PIK3CB: variants seen among roughly 807,000 people sequenced by gnomAD.
PIK3CB encodes the protein phosphatidylinositol 4,5-bisphosphate 3-kinase catalytic subunit beta isoform.
A neutral mutation model predicts 136.8 loss-of-function variants in PIK3CB; 39 were observed. That is an observed-to-expected ratio of 0.29 (90% CI 0.22 to 0.37). The LOEUF (loss-of-function observed/expected upper bound fraction) is 0.37. Ranked by LOEUF, PIK3CB falls within the 10% of genes least tolerant of loss-of-function variation. The pLI is 1.00. For missense variants in PIK3CB, 868 were observed against 1,275.4 expected (o/e 0.68, Z 4.87); for synonymous variants, 428 against 436.6 (o/e 0.98, Z 0.25).
At chr3:138,817,771 T>C (rs1163795978) in intron 1 of PIK3CB, among the ~76,000 whole-genome samples, 1 of 152,078 alleles carries the variant, frequency 6.6e-6, no homozygotes, top group Admixed American at 6.6e-5. Context: ...AGGTATACGA[T>C]CTAGAAGGGG....
rs755586491 is a variant in PIK3CB, at chr3:138,684,675, G to C, written c.2265C>G (p.Leu755=). The change falls in exon 17 of 24, where the codon CTC becomes CTG. Residue 755 remains leucine (L), a synonymous_variant. Coordinates refer to ENST00000674063, the MANE Select transcript of PIK3CB (RefSeq NM_006219.3). ...GGTTCAGGGGTGACTGCAGGTCAGA[G>C]AGGGCTTCCCGGTAAGCACTCTGTT... ...CLKQSAYREA[L]SDLQSPLNPC... The C allele has an allele frequency of 1.2e-6, 2 of 1,613,900 alleles. No homozygotes were observed. Among genetic ancestry groups the C allele is most frequent in the South Asian group, 2.2e-5 (2 of 91,064 alleles).
chr3:138,694,843 A>G lies in PIK3CB; in HGVS notation c.1835T>C (p.Phe612Ser), dbSNP rs1321947952. Residue 612 changes from phenylalanine (F) to serine (S), a missense_variant, in exon 14 of 24, where the codon TTC (phenylalanine) becomes TCC (serine). This residue lies in a region of PIK3CB where 612 missense variants were observed against 801.1 expected (regional missense o/e 0.76). Transcript: ENST00000674063. ...TCGAACGTACTGGTCTGGATAGTTG[A>G]AATCCAGAAGCTCTAGGGCCTCCCG... ...PPREALELLD[F>S]NYPDQYVREY... 6.8e-6 allele frequency: 11 copies of G among 1,613,258 alleles called. No individual in the cohort carries two copies. Among genetic ancestry groups the G allele is most frequent in the Non-Finnish European group, 8.5e-6 (10 of 1,179,466 alleles).
intron 19 of PIK3CB, among the ~76,000 whole-genome samples, chr3:138,669,253 AGT>A (rs2043478797): frequency 6.6e-6 from 1 of 151,284 alleles, no homozygotes; most frequent in Non-Finnish European, 1.5e-5. Flanking sequence ...CTCTACAAAA[AGT>A]AAAAAAATTA....
At chr3:138,765,676 C>T (rs368069974) in intron 2 of PIK3CB, among the ~76,000 whole-genome samples, 41 of 105,208 alleles carry the variant, frequency 3.9e-4, no homozygotes, top group African/African-American at 1.2e-3. Context: ...AACCCCCTCT[C>T]TTCAAAAAAA....
intron 1 of PIK3CB, among the ~76,000 whole-genome samples, chr3:138,820,511 T>G (rs529168860): frequency 1.3e-5 from 2 of 152,294 alleles, no homozygotes; most frequent in East Asian, 3.9e-4. Flanking sequence ...TTGTTTGTTT[T>G]GAGATGGAGT....
intron 1 of PIK3CB, among the ~76,000 whole-genome samples, chr3:138,815,139 CAAAAAAAAA>C (rs71637082): frequency 1.0e-3 from 40 of 38,138 alleles, no homozygotes; most frequent in African/African-American, 4.7e-3. Flanking sequence ...GACTCCGTCT[CAAAAAAAAA>C]AAAAAAAAAA....
rs577624323 is a variant in PIK3CB at position 138,725,813 on chromosome 3, ATC to A, written c.1050+7546_1050+7547del. 2.9e-3 allele frequency among the ~76,000 whole-genome samples: 441 copies of A among 152,248 alleles called. 3 individuals are homozygous for A. In the Middle Eastern group the frequency reaches 0.037, roughly 13 times the overall value. On this transcript the variant is annotated intron_variant, in intron 8 of 23. Transcript: ENST00000674063. ...AATGTCTTTGTGAGATAATTCCAACATCTGTGTCATCTCGTCACTGACGTCTA... is the reference window on the plus strand; with the variant it reads ...AATGTCTTTGTGAGATAATTCCAACATGTGTCATCTCGTCACTGACGTCTA...
At position 138,684,694 on chromosome 3, in the gene PIK3CB, C is replaced by T. The variant is rs774114972; in HGVS notation, c.2246G>A (p.Ser749Asn). Residue 749 changes from serine to asparagine, a missense_variant, in exon 17 of 24, where the codon AGT (serine) becomes AAT (asparagine). Coordinates refer to ENST00000674063, the MANE Select transcript of PIK3CB (RefSeq NM_006219.3). ...KEAMHTCLKQ[S>N]AYREALSDLQ... Reference sequence around the variant, plus strand: ...GTCAGAGAGGGCTTCCCGGTAAGCACTCTGTTTTAAACAGGTATGCATGGC... The same window carrying T: ...GTCAGAGAGGGCTTCCCGGTAAGCATTCTGTTTTAAACAGGTATGCATGGC... The T allele has an allele frequency of 6.2e-7, 1 of 1,614,028 alleles. No individual in the cohort carries two copies. Among genetic ancestry groups the T allele is most frequent in the Admixed American group, 1.7e-5 (1 of 60,018 alleles).
In PIK3CB at chr3:138,729,280, GA is replaced by G. The variant is rs150270268; in HGVS notation, c.1050+4080del. Among the ~76,000 whole-genome samples, 688 of 125,824 alleles carry G rather than the reference GA, an allele frequency of 5.5e-3. 6 individuals are homozygous for G. Among genetic ancestry groups the G allele is most frequent in the African/African-American group, 0.017 (581 of 34,008 alleles). The allele number at this position is 125,824 out of a possible 152,430, so 82.5% of individuals were successfully genotyped here. A position where few individuals can be genotyped will look rare whatever the true frequency, so the allele number is the denominator to read the frequency against. On this transcript the variant is annotated intron_variant, in intron 8 of 23. Coordinates refer to ENST00000674063, the MANE Select transcript of PIK3CB (RefSeq NM_006219.3). ...TGGGTGACAGAGTGAGACTCTCTCA[GA>G]AAAAAAAAAAAAAGAAGGTCTACTA...
intron 1 of PIK3CB, among the ~76,000 whole-genome samples, chr3:138,807,053 T>C (rs145318715): frequency 1.6e-4 from 25 of 152,364 alleles, no homozygotes; most frequent in East Asian, 1.2e-3. Context: ...AGAAAATATG[T>C]CAATTTGCCT....
intron 19 of PIK3CB, among the ~76,000 whole-genome samples, chr3:138,666,777 G>A (rs1279975197): frequency 2.0e-5 from 3 of 152,084 alleles, no homozygotes; most frequent in Non-Finnish European, 2.9e-5. Context: ...AGATCCTGGT[G>A]ATACAGAAAT....
chr3:138,768,607 A>C (rs755186334), intron 2 of PIK3CB, among the ~76,000 whole-genome samples: 1 of 152,130 alleles, frequency 6.6e-6, no homozygotes, highest in Non-Finnish European at 1.5e-5. Flanking sequence ...TCCACCCAGA[A>C]ACCTGTCTGC....
intron 2 of PIK3CB, among the ~76,000 whole-genome samples, chr3:138,787,143 G>C (rs906439132): frequency 2.0e-5 from 3 of 152,128 alleles, no homozygotes; most frequent in Non-Finnish European, 4.4e-5. Context: ...AGAGGAACTT[G>C]GAAAAACTGG....
At chr3:138,729,101 C>T (rs550024495) in intron 8 of PIK3CB, among the ~76,000 whole-genome samples, 7 of 151,876 alleles carry the variant, frequency 4.6e-5, no homozygotes, top group African/African-American at 7.2e-5. Context: ...GCCAACATGG[C>T]GAAACCCTGT....
At chr3:138,804,417 G>T (rs150896278) in intron 1 of PIK3CB, among the ~76,000 whole-genome samples, 3 of 152,250 alleles carry the variant, frequency 2.0e-5, no homozygotes, top group Non-Finnish European at 4.4e-5. Flanking sequence ...AGGAGGCTGA[G>T]GTGGAAGCAT....
intron 9 of PIK3CB, among the ~76,000 whole-genome samples, chr3:138,712,509 T>C (rs866676824): frequency 2.2e-4 from 34 of 152,112 alleles, no homozygotes; most frequent in Non-Finnish European, 4.7e-4. Flanking sequence ...TCAATTAACA[T>C]TTCATAATAA....
intron 8 of PIK3CB, among the ~76,000 whole-genome samples, chr3:138,719,689 T>C (rs2044687391): frequency 6.6e-6 from 1 of 151,760 alleles, no homozygotes; most frequent in Non-Finnish European, 1.5e-5. Flanking sequence ...TATTTTCTCC[T>C]GAGCAATTAA....
chr3:138,832,830 C>CAA (rs1219182171), intron 1 of PIK3CB, among the ~76,000 whole-genome samples: 1,025 of 52,328 alleles, frequency 0.02, 22 homozygotes, highest in African/African-American at 0.025. Flanking sequence ...AACTCCGTCT[C>CAA]AAAAAAAAAA....
intron 2 of PIK3CB, among the ~76,000 whole-genome samples, chr3:138,761,396 T>C (rs1359557732): frequency 2.0e-5 from 3 of 152,184 alleles, no homozygotes; most frequent in African/African-American, 7.2e-5. Context: ...AGGAAGAAGA[T>C]GGTGGAAGGA....
Sources: gnomAD v4.1 joint callset for allele counts (sites outside exome capture counted in the v4.1 genomes callset) on GRCh38, gnomAD v4.1.1 for gene constraint, gnomAD v4.1.1 regional missense constraint, MANE v1.5 for transcripts, NCBI Gene and HGNC (gene_info 2026-07-23, HGNC 2026-07-21) for gene names.